The following SCAI variants were observed in gnomAD, a reference collection of about 807,000 sequenced individuals.
SCAI encodes suppressor of cancer cell invasion, also known as protein SCAI.
SCAI carries 24 observed loss-of-function variants against 92.2 expected under a neutral mutation model. That is an observed-to-expected ratio of 0.26 (90% CI 0.19 to 0.37). SCAI has a LOEUF of 0.37. Among genes scored for constraint, SCAI ranks in the 10% least tolerant of loss-of-function variants. The pLI, the probability that SCAI is intolerant of heterozygous loss-of-function variation, is 1.00. For missense variants in SCAI, 450 were observed against 736.2 expected (o/e 0.61, Z 4.50); for synonymous variants, 261 against 258.6 (o/e 1.01, Z -0.09).
intron 14 of SCAI, among the ~76,000 whole-genome samples, chr9:124,992,009 G>A (rs1832139528): frequency 6.6e-6 from 1 of 152,056 alleles, no homozygotes; most frequent in African/African-American, 2.4e-5. Flanking sequence ...TTGAACTCCT[G>A]GGCTCAAGAG....
At chr9:125,130,339 A>G (rs1175213566) in intron 2 of SCAI, among the ~76,000 whole-genome samples, 2 of 152,160 alleles carry the variant, frequency 1.3e-5, no homozygotes, top group African/African-American at 4.8e-5. Flanking sequence ...AGTGGTTGCC[A>G]ATTGGTCGGG....
At position 125,142,381 on chromosome 9, in the gene SCAI, A is replaced by C. The variant is rs1342866755; in HGVS notation, c.98+252T>G. 4 of 358,058 alleles carry C rather than the reference A, an allele frequency of 1.1e-5. No individual in the cohort carries two copies. The East Asian group carries it at 2.1e-4, about 19-fold the overall frequency. The allele number at this position is 358,058 out of a possible 1,614,324, so 22.2% of individuals were successfully genotyped here. On this transcript the variant is annotated intron_variant, in intron 2 of 17. Coordinates refer to ENST00000336505, the MANE Select transcript of SCAI (RefSeq NM_001144877.3). ...AAAAAAATAGCTGAGATCCTTACAC[A>C]ACATCAAAAAGTAAAAAAGTAGGAT...
intron 9 of SCAI, among the ~76,000 whole-genome samples, chr9:125,009,300 T>A (rs1376316324): frequency 6.6e-6 from 1 of 152,196 alleles, no homozygotes; most frequent in East Asian, 1.9e-4. Context: ...GACGGAGTCT[T>A]CTTCTGTTGC....
At chr9:125,072,290 G>A (rs1379087578) in intron 2 of SCAI, among the ~76,000 whole-genome samples, 1 of 152,120 alleles carries the variant, frequency 6.6e-6, no homozygotes, top group Admixed American at 6.5e-5. Flanking sequence ...CCAATGTGCT[G>A]GGATTACAGG....
chr9:125,023,048 AT>A (rs1832901902), intron 6 of SCAI, among the ~76,000 whole-genome samples: 1 of 152,304 alleles, frequency 6.6e-6, no homozygotes, highest in East Asian at 1.9e-4. Flanking sequence ...TTAATTCTTT[AT>A]CCCCTTTCTT....
Position 124,947,403 on chromosome 9 carries a change from A to G in SCAI, c.*5404T>C, listed in dbSNP as rs1831162661. ...ATTTTAAAGCTAAGAATAAATATCT[A>G]GCTTTCTGTTAAGATCTTCATATCC... On this transcript the variant is annotated 3_prime_UTR_variant, in exon 18 of 18. Transcript: ENST00000336505. 6.6e-6 allele frequency: 1 copy of G among 152,206 alleles called. No homozygotes were observed. The highest frequency in any genetic ancestry group is 2.4e-5 in the African/African-American group (1 of 41,458). 9.4% of individuals were successfully genotyped at this position (152,206 alleles called of 1,614,324 possible). A position where few individuals can be genotyped will look rare whatever the true frequency, so the allele number is the denominator to read the frequency against.
rs369139279 is a variant in SCAI, at chr9:125,025,135, T to A, written c.512+1677A>T. ...GCAATCTTGACTAGCACTCTTACCC[T>A]GTGTAAACTAAGAAACAACCTACAA... is the stretch of plus-strand genomic sequence containing the variant. On this transcript the variant is annotated intron_variant, in intron 6 of 17. Coordinates refer to ENST00000336505, the MANE Select transcript of SCAI (RefSeq NM_001144877.3). Among the ~76,000 whole-genome samples the A allele has an allele frequency of 1.7e-4, 26 of 152,332 alleles. No individual in the cohort carries two copies. In the East Asian group the frequency reaches 4.8e-3, roughly 28 times the overall value.
intron 9 of SCAI, among the ~76,000 whole-genome samples, chr9:125,010,659 TGACAGC>T (rs1173278269): frequency 1.3e-5 from 2 of 152,190 alleles, no homozygotes; most frequent in Admixed American, 1.3e-4. Context: ...TGTCCCTGTC[TGACAGC>T]TTTGAAGACA....
At chr9:125,015,338 A>G (rs1038181864) in intron 9 of SCAI, among the ~76,000 whole-genome samples, 57 of 152,174 alleles carry the variant, frequency 3.7e-4, no homozygotes, top group Non-Finnish European at 5.9e-4. Flanking sequence ...ATTTACAAGA[A>G]AAAAACAAAC....
At chr9:125,031,997 A>G (rs553922259) in intron 3 of SCAI, among the ~76,000 whole-genome samples, 27 of 151,816 alleles carry the variant, frequency 1.8e-4, no homozygotes, top group African/African-American at 6.3e-4. Context: ...TTATCTGTCT[A>G]CCTTTGTTGT....
At chr9:124,985,312 A>G (rs980044055) in intron 14 of SCAI, among the ~76,000 whole-genome samples, 15 of 152,100 alleles carry the variant, frequency 9.9e-5, no homozygotes, top group Non-Finnish European at 1.9e-4. Flanking sequence ...GAGGGTTGTC[A>G]GTGTAAGTCA....
rs1182383146 is a variant in SCAI at position 124,999,915 on chromosome 9, T to C, written c.1220A>G (p.Asn407Ser). The C allele has an allele frequency of 5.7e-6, 9 of 1,588,032 alleles. No individual in the cohort carries two copies. In the African/African-American group the frequency reaches 9.5e-5, roughly 17 times the overall value. Residue 407 changes from asparagine to serine, a missense_variant, in exon 13 of 18, where the codon AAT (asparagine) becomes AGT (serine). This residue lies in a region of SCAI where 360 missense variants were observed against 601.8 expected (regional missense o/e 0.60). Transcript: ENST00000336505. ...CCAGTGCATTTCCTTGTGGGACTGA[T>C]TTCGTTTGTGGATGGCATCTCCATT... ...IINGDAIHKR[N>S]QSHKEMHCLH...
At chr9:125,064,786 C>T (rs1309741049) in intron 2 of SCAI, among the ~76,000 whole-genome samples, 1 of 152,158 alleles carries the variant, frequency 6.6e-6, no homozygotes, top group Admixed American at 6.6e-5. Context: ...GCGGAGGTTG[C>T]AGTGAGCCAA....
chr9:124,962,727 A>G (rs1036641997), intron 17 of SCAI, among the ~76,000 whole-genome samples: 3 of 152,172 alleles, frequency 2.0e-5, no homozygotes, highest in African/African-American at 7.2e-5. Flanking sequence ...GAAACCTTAC[A>G]GATAACATAA....
At chr9:125,112,903 A>C (rs1428561017) in intron 2 of SCAI, among the ~76,000 whole-genome samples, 3 of 152,268 alleles carry the variant, frequency 2.0e-5, no homozygotes, top group Non-Finnish European at 4.4e-5. Flanking sequence ...AAGAGCTCCC[A>C]ATGACCAAAG....
intron 2 of SCAI, among the ~76,000 whole-genome samples, chr9:125,095,169 A>G (rs188696626): frequency 1.4e-3 from 207 of 152,278 alleles, no homozygotes; most frequent in African/African-American, 4.3e-3. Context: ...AGACAAAGGT[A>G]TAAATGGTCC....
At position 125,143,489 on chromosome 9, in the gene SCAI, G is replaced by A. The variant is rs1020808848; in HGVS notation, c.-52C>T. The A allele has an allele frequency of 1.1e-5, 14 of 1,307,444 alleles. 1 individual carries two copies. In the South Asian group the frequency reaches 1.8e-4, roughly 17 times the overall value. 81.0% of individuals were successfully genotyped at this position (1,307,444 alleles called of 1,614,324 possible). A position where few individuals can be genotyped will look rare whatever the true frequency, so the allele number is the denominator to read the frequency against. On this transcript the variant is annotated 5_prime_UTR_variant, in exon 1 of 18. Transcript: ENST00000336505. ...GCTCCGGCGGCCGCAGGGCTCGCTC[G>A]GGAAGCTGAGGCGGCGGAGGCTGGA...
intron 5 of SCAI, 39 bp downstream of exon 5, chr9:125,028,353 C>A (rs1833003770): frequency 3.5e-6 from 4 of 1,143,844 alleles, no homozygotes; most frequent in South Asian, 1.3e-5. Context: ...GTGTTTTAAT[C>A]AGACAACACT....
At chr9:125,115,615 T>C (rs557603353) in intron 2 of SCAI, among the ~76,000 whole-genome samples, 66 of 152,104 alleles carry the variant, frequency 4.3e-4, no homozygotes, top group African/African-American at 1.6e-3. Context: ...AAAGAATACA[T>C]ACAGTATCAT....
Sources: allele counts gnomAD v4.1 joint callset (sites outside exome capture counted in the v4.1 genomes callset), GRCh38; gene constraint gnomAD v4.1.1; regional missense constraint gnomAD v4.1.1; transcripts MANE v1.5; gene names NCBI Gene and HGNC (gene_info 2026-07-23, HGNC 2026-07-21).